The following RAP1A variants were observed in gnomAD, a reference collection of about 807,000 sequenced individuals.
The protein encoded by RAP1A is RAP1A, member of RAS oncogene family, also known as ras-related protein Rap-1A.
In RAP1A, 6 loss-of-function variants were observed where a neutral mutation model predicts 26.4. The ratio of observed to expected loss-of-function variants is 0.23; its 90% confidence interval spans 0.12 to 0.45. The LOEUF (loss-of-function observed/expected upper bound fraction) is 0.45. RAP1A is among the 20% of genes least tolerant of loss of function. The probability of loss-of-function intolerance (pLI) is 0.99; values close to 1 mark genes in which losing one functional copy is unlikely to be tolerated. For synonymous variants in RAP1A, 73 were observed against 79.4 expected, an observed-to-expected ratio of 0.92 and a Z score of 0.43; for missense variants, 121 against 217.2, an observed-to-expected ratio of 0.56 and a Z score of 2.78.
chr1:111,644,604 AAAG>A (rs1274829383), intron 1 of RAP1A, among the ~76,000 whole-genome samples: 1 of 152,128 alleles, frequency 6.6e-6, no homozygotes, highest in Non-Finnish European at 1.5e-5. Flanking sequence ...GCTGTTACCA[AAAG>A]AAGGAGGAAT....
chr1:111,554,622 C>T (rs1358597008), intron 1 of RAP1A, among the ~76,000 whole-genome samples: 1 of 152,210 alleles, frequency 6.6e-6, no homozygotes, highest in African/African-American at 2.4e-5. Flanking sequence ...AAGAGACACA[C>T]ATATACCCCT....
intron 4 of RAP1A, among the ~76,000 whole-genome samples, chr1:111,702,367 G>T (rs1288445954): frequency 7.9e-5 from 12 of 151,846 alleles, no homozygotes; most frequent in Admixed American, 7.9e-4. Flanking sequence ...AACCTCCATA[G>T]TTACAACATA....
intron 1 of RAP1A, among the ~76,000 whole-genome samples, chr1:111,669,412 A>G (rs928855331): frequency 3.9e-5 from 6 of 152,220 alleles, no homozygotes; most frequent in African/African-American, 9.6e-5. Context: ...GTGAGAGGAA[A>G]GGGGATATGC....
chr1:111,643,594 CA>C (rs1360864252), intron 1 of RAP1A, among the ~76,000 whole-genome samples: 5 of 152,164 alleles, frequency 3.3e-5, no homozygotes, highest in African/African-American at 1.2e-4. Context: ...TTGCAAGCAA[CA>C]GAACCATCAT....
At chr1:111,561,404 GA>G (rs1657730566) in intron 1 of RAP1A, among the ~76,000 whole-genome samples, 1 of 152,226 alleles carries the variant, frequency 6.6e-6, no homozygotes, top group Non-Finnish European at 1.5e-5. Flanking sequence ...TTACAGGCGT[GA>G]GCCACCGTGC....
intron 1 of RAP1A, among the ~76,000 whole-genome samples, chr1:111,636,951 A>G (rs895629872): frequency 6.6e-6 from 1 of 152,054 alleles, no homozygotes. Context: ...GAGTGGTGTG[A>G]TGATGTAAGT....
intron 1 of RAP1A, among the ~76,000 whole-genome samples, chr1:111,589,865 T>A (rs1467779797): frequency 6.6e-6 from 1 of 152,084 alleles, no homozygotes; most frequent in Non-Finnish European, 1.5e-5. Context: ...ACTCAAGTGA[T>A]CCTTCCACCT....
intron 1 of RAP1A, among the ~76,000 whole-genome samples, chr1:111,657,172 C>T (rs553506346): frequency 1.0e-3 from 157 of 152,260 alleles, no homozygotes; most frequent in African/African-American, 3.7e-3. Context: ...ATCCATAATC[C>T]AAAATCCAAA....
intron 1 of RAP1A, among the ~76,000 whole-genome samples, chr1:111,642,593 T>C (rs1659927415): frequency 6.6e-6 from 1 of 151,806 alleles, no homozygotes; most frequent in African/African-American, 2.4e-5. Context: ...GTTCACGCCA[T>C]TCTCCTGCGT....
intron 1 of RAP1A, among the ~76,000 whole-genome samples, chr1:111,571,115 G>T (rs1416767580): frequency 6.6e-6 from 1 of 152,172 alleles, no homozygotes; most frequent in Non-Finnish European, 1.5e-5. Flanking sequence ...TCCCCCTCAG[G>T]TTTAATCACT....
At chr1:111,583,157 C>A (rs191794860) in intron 1 of RAP1A, among the ~76,000 whole-genome samples, 7 of 152,238 alleles carry the variant, frequency 4.6e-5, no homozygotes, top group African/African-American at 1.7e-4. Context: ...TTCTCCCCAA[C>A]CCCCAATGTC....
intron 1 of RAP1A, chr1:111,686,603 A>G (rs1473788707): frequency 2.0e-5 from 3 of 146,790 alleles, no homozygotes; most frequent in African/African-American, 2.5e-5. Context: ...AGGCGGAAGG[A>G]TGACTTGAGC....
At chr1:111,575,584 A>G (rs1266767943) in intron 1 of RAP1A, among the ~76,000 whole-genome samples, 6 of 152,168 alleles carry the variant, frequency 3.9e-5, no homozygotes, top group Admixed American at 2.0e-4. Flanking sequence ...GTTGAAGTCA[A>G]CCCCCAATAC....
At chr1:111,606,593 A>G (rs1658784518) in intron 1 of RAP1A, among the ~76,000 whole-genome samples, 1 of 152,196 alleles carries the variant, frequency 6.6e-6, no homozygotes, top group Admixed American at 6.5e-5. Context: ...AGCCGTGCTT[A>G]GCACCATACA....
At chr1:111,685,141 T>G (rs1032885243) in intron 1 of RAP1A, among the ~76,000 whole-genome samples, 1 of 152,180 alleles carries the variant, frequency 6.6e-6, no homozygotes, top group Admixed American at 6.5e-5. Flanking sequence ...GATTAAAGAC[T>G]TAAACATAAG....
At chr1:111,581,553 C>T (rs1241182648) in intron 1 of RAP1A, among the ~76,000 whole-genome samples, 1 of 152,122 alleles carries the variant, frequency 6.6e-6, no homozygotes, top group Non-Finnish European at 1.5e-5. Context: ...AAAAACAGAC[C>T]AAGAATGCAA....
At chr1:111,552,345 AGT>A (rs1238508767) in intron 1 of RAP1A, among the ~76,000 whole-genome samples, 5 of 152,228 alleles carry the variant, frequency 3.3e-5, no homozygotes, top group Non-Finnish European at 7.3e-5. Context: ...AACGAAGGCA[AGT>A]TATAATGTCA....
At chr1:111,610,997 T>C (rs1571496992) in intron 1 of RAP1A, among the ~76,000 whole-genome samples, 1 of 152,354 alleles carries the variant, frequency 6.6e-6, no homozygotes, top group East Asian at 1.9e-4. Flanking sequence ...TTGCCCTTTC[T>C]TCTTGTTTGA....
At chr1:111,633,269 C>T (rs1659628529) in intron 1 of RAP1A, among the ~76,000 whole-genome samples, 1 of 152,182 alleles carries the variant, frequency 6.6e-6, no homozygotes, top group Non-Finnish European at 1.5e-5. Flanking sequence ...TTGCATCCTG[C>T]TGTTCTCCAT....
Sources: allele counts gnomAD v4.1 joint callset (sites outside exome capture counted in the v4.1 genomes callset), GRCh38; gene constraint gnomAD v4.1.1; transcripts MANE v1.5; gene names NCBI Gene and HGNC (gene_info 2026-07-23, HGNC 2026-07-21).